The following NAA20 variants were observed in gnomAD, a reference collection of about 807,000 sequenced individuals.
The protein encoded by NAA20 is N-alpha-acetyltransferase 20, NatB catalytic subunit.
NAA20 carries 24 observed loss-of-function variants against 23.8 expected under a neutral mutation model. The ratio of observed to expected loss-of-function variants is 1.01; its 90% CI spans 0.73 to 1.42. NAA20 has a LOEUF of 1.42. Ranked by LOEUF, NAA20 falls within the 40% of genes most tolerant of loss-of-function variation. The pLI, the probability that NAA20 is intolerant of heterozygous loss-of-function variation, is 0.00. For missense variants in NAA20, 166 were observed against 223.1 expected (o/e 0.74, Z 1.63); for synonymous variants, 83 against 77.7 (o/e 1.07, Z -0.36).
chr20:20,031,610 A>G (rs949646188), intron 4 of NAA20, among the ~76,000 whole-genome samples: 7 of 152,214 alleles, frequency 4.6e-5, no homozygotes, highest in Non-Finnish European at 7.3e-5. Flanking sequence ...AAAAGATAAC[A>G]TAAGGATAAT....
intron 4 of NAA20, among the ~76,000 whole-genome samples, chr20:20,028,597 T>A (rs1336360044): frequency 1.3e-5 from 2 of 152,188 alleles, no homozygotes; most frequent in African/African-American, 4.8e-5. Flanking sequence ...TCTCTTCCCT[T>A]CCAGTTTCTA....
intron 4 of NAA20, among the ~76,000 whole-genome samples, chr20:20,031,502 C>T (rs1445782617): frequency 6.6e-6 from 1 of 152,094 alleles, no homozygotes; most frequent in African/African-American, 2.4e-5. Context: ...GGCAGAGTGT[C>T]TCTGTGGCCT....
Position 20,033,363 on chromosome 20 carries a change from AT to A in NAA20, c.*177del. The A allele has an allele frequency of 3.5e-6, 2 of 566,442 alleles. No individual in the cohort carries two copies. The highest frequency in any genetic ancestry group is 6.2e-6 in the Non-Finnish European group (2 of 325,202). The allele number at this position is 566,442 out of a possible 1,614,324, so 35.1% of individuals were successfully genotyped here. A position where few individuals can be genotyped will look rare whatever the true frequency, so the allele number is the denominator to read the frequency against. On this transcript the variant is annotated 3_prime_UTR_variant, in exon 6 of 6. Transcript: ENST00000334982. ...CTCATTGTTTCCAGTTAGCAATATC[AT>A]ACCTATTAAAGCTGTTCATTGTAAC...
chr20:20,025,936 A>C (rs536349319), intron 3 of NAA20, among the ~76,000 whole-genome samples, 169 bp downstream of exon 3: 1 of 152,188 alleles, frequency 6.6e-6, no homozygotes, highest in Non-Finnish European at 1.5e-5. Flanking sequence ...TGCTAGGCCC[A>C]GGCGATAACG....
At chr20:20,024,264 T>C (rs1441999548) in intron 2 of NAA20, among the ~76,000 whole-genome samples, 1 of 152,216 alleles carries the variant, frequency 6.6e-6, no homozygotes, top group East Asian at 1.9e-4. Context: ...TAAGCTGTAC[T>C]GAAGAAGGAT....
intron 1 of NAA20, among the ~76,000 whole-genome samples, chr20:20,021,149 C>T (rs1465746275): frequency 1.3e-5 from 2 of 151,298 alleles, no homozygotes. Context: ...GGTGGGCAGA[C>T]AAGAGGAGAT....
In NAA20 at chr20:20,032,574, G is replaced by A. The variant is rs1487285710; in HGVS notation, c.372G>A (p.Lys124=). The change falls in exon 5 of 6, where the codon AAG becomes AAA. Residue 124 remains lysine (K), a synonymous_variant. Transcript: ENST00000334982. ...ACCAAGTTGCAGTTAACATGTACAA[G>A]CAGTTGGGCTACAGTGTATATAGGA... The part of the protein sequence containing the change: ...VSNQVAVNMY[K]QLGYSVYRTV... The A allele has an allele frequency of 1.2e-6, 2 of 1,613,656 alleles. No individual in the cohort carries two copies. The highest frequency in any genetic ancestry group is 8.5e-7 in the Non-Finnish European group (1 of 1,179,802).
intron 5 of NAA20, 66 bp from the exon 6 acceptor site, chr20:20,033,036 C>T (rs1312631268): frequency 2.4e-6 from 3 of 1,260,384 alleles, no homozygotes; most frequent in South Asian, 1.2e-5. Flanking sequence ...GGAACTTTAC[C>T]TATACACTTT....
chr20:20,033,112 A>G lies in NAA20; in HGVS notation c.462A>G (p.Lys154=), dbSNP rs369255407. ...EPDEDAYDMR[K]ALSRDTEKKS... is the part of the protein sequence containing the mutation. ...TTTGCTTCTTTACAGATATGAGGAA[A>G]GCACTTTCCAGGGATACTGAGAAGA... The change falls in exon 6 of 6, where the codon AAA becomes AAG. Residue 154 remains lysine, a synonymous_variant. Transcript: ENST00000334982. The G allele has an allele frequency of 4.3e-6, 7 of 1,612,612 alleles. No homozygotes were observed. The highest frequency in any genetic ancestry group is 1.1e-5 in the South Asian group (1 of 91,048).
chr20:20,023,814 T>C (rs1255890072), intron 2 of NAA20, among the ~76,000 whole-genome samples: 2 of 152,260 alleles, frequency 1.3e-5, no homozygotes, highest in African/African-American at 2.4e-5. Flanking sequence ...ACCTCAGTGC[T>C]GATGATGGTG....
intron 5 of NAA20, 101 bp from the exon 6 acceptor site, chr20:20,033,001 G>C: frequency 4.4e-6 from 4 of 916,710 alleles, no homozygotes; most frequent in South Asian, 1.5e-5. Context: ...ATGGTGAAGT[G>C]GGGGTAGGGA....
chr20:20,023,264 G>A (rs1452869363), intron 2 of NAA20, among the ~76,000 whole-genome samples: 3 of 150,672 alleles, frequency 2.0e-5, no homozygotes, highest in African/African-American at 2.4e-5. Context: ...AGCCGAGATC[G>A]CGCCACTGCA....
Position 20,032,558 on chromosome 20 carries a change from C to T in NAA20, c.356C>T (p.Ala119Val), listed in dbSNP as rs2043352768. 6.2e-7 allele frequency: 1 copy of T among 1,613,240 alleles called. No individual in the cohort carries two copies. Among genetic ancestry groups the T allele is most frequent in the East Asian group, 2.2e-5 (1 of 44,852 alleles). The change falls in exon 5 of 6, where the codon GCA becomes GTA. Residue 119 changes from alanine to valine, a missense_variant. Physicochemically the swap from Ala to Val is moderately conservative, Grantham distance 64 (BLOSUM62 0). Coordinates refer to ENST00000334982, the MANE Select transcript of NAA20 (RefSeq NM_016100.5). ...TTTGTAAGAGTATCTAACCAAGTTGCAGTTAACATGTACAAGCAGTTGGGC... is the reference window on the plus strand; with the variant it reads ...TTTGTAAGAGTATCTAACCAAGTTGTAGTTAACATGTACAAGCAGTTGGGC... The part of the protein sequence containing the change: ...DLFVRVSNQV[A>V]VNMYKQLGYS...
chr20:20,022,384 G>T, intron 1 of NAA20, 72 bp from the exon 2 acceptor site: 1 of 1,443,898 alleles, frequency 6.9e-7, no homozygotes. Flanking sequence ...ATTACTGTTA[G>T]CTTTAGCAGG....
At chr20:20,022,505 A>C in intron 2 of NAA20, 25 bp downstream of exon 2, 1 of 1,524,454 alleles carries the variant, frequency 6.6e-7, no homozygotes, top group Non-Finnish European at 8.9e-7. Flanking sequence ...AAAAAAAAAA[A>C]AGTTGAATGA....
chr20:20,017,404 C>T lies in NAA20; in HGVS notation c.8C>T (p.Thr3Met). The T allele has an allele frequency of 6.2e-7, 1 of 1,611,778 alleles. No individual in the cohort carries two copies. The highest frequency in any genetic ancestry group is 8.5e-7 in the Non-Finnish European group (1 of 1,179,452). The change falls in exon 1 of 6, where the codon ACG becomes ATG. Residue 3 changes from threonine (T) to methionine (M), a missense_variant. Thr to Met is a moderately conservative substitution (Grantham distance 81, BLOSUM62 -1). Transcript: ENST00000334982. ...GGAAGCGGCGGCGGCGCGATGACCA[C>T]GCTACGGGCCTTTACCTGCGACGAC... The part of the protein sequence containing the change: MT[T>M]LRAFTCDDLF...
chr20:20,026,071 A>G (rs1048473519), intron 3 of NAA20, among the ~76,000 whole-genome samples: 8 of 152,162 alleles, frequency 5.3e-5, no homozygotes, highest in African/African-American at 1.9e-4. Context: ...TTGGAAGGCC[A>G]AGGCAGGCAG....
At chr20:20,032,473 T>G (rs1412839346) in intron 4 of NAA20, 35 bp from the exon 5 acceptor site, 27 of 1,600,692 alleles carry the variant, frequency 1.7e-5, no homozygotes, top group Non-Finnish European at 2.3e-5. Context: ...GTTTCTCACA[T>G]TCTAACATTT....
chr20:20,029,690 A>G (rs1027286263), intron 4 of NAA20, among the ~76,000 whole-genome samples: 5 of 152,118 alleles, frequency 3.3e-5, no homozygotes, highest in Admixed American at 6.6e-5. Flanking sequence ...AAATGCACAA[A>G]TTGACAAAAC....
Sources: allele counts gnomAD v4.1 joint callset (sites outside exome capture counted in the v4.1 genomes callset), GRCh38; gene constraint gnomAD v4.1.1; transcripts MANE v1.5; gene names NCBI Gene and HGNC (gene_info 2026-07-23, HGNC 2026-07-21).